Variants in PDE4A observed in about 807,000 individuals in gnomAD.
PDE4A encodes the protein 3',5'-cyclic-AMP phosphodiesterase 4A.
Under a neutral mutation model 73.9 loss-of-function variants are expected in PDE4A, and 21 were observed. The observed-to-expected ratio is 0.28, with a 90% CI of 0.20 to 0.41. PDE4A has a LOEUF of 0.41. Ranked by LOEUF, PDE4A falls within the 10% of genes least tolerant of loss-of-function variation. PDE4A has a pLI of 1.00. For missense variants in PDE4A, 958 were observed against 1,211.4 expected (o/e 0.79, Z 3.10); for synonymous variants, 463 against 505.4 (o/e 0.92, Z 1.13).
rs2042638670 is a variant in PDE4A at position 10,420,741 on chromosome 19, G to A, written c.-24G>A. 6.5e-7 allele frequency: 1 copy of A among 1,527,898 alleles called. No homozygotes were observed. The highest frequency in any genetic ancestry group is 1.4e-5 in the African/African-American group (1 of 69,914). 94.6% of individuals were successfully genotyped at this position (1,527,898 alleles called of 1,614,324 possible). A position where few individuals can be genotyped will look rare whatever the true frequency, so the allele number is the denominator to read the frequency against. ...TAGGTTGGAAGGGCCAGGGCCCCCT[G>A]GGGCGCAAGTGGGGGCCGGCGCCAT... On this transcript the variant is annotated 5_prime_UTR_variant, in exon 1 of 15. Coordinates refer to ENST00000380702, the MANE Select transcript of PDE4A (RefSeq NM_001111307.2). This position sits in a 1 kb window ranked among gnomAD's most constrained non-coding sequence, Gnocchi z 6.0.
intron 4 of PDE4A, among the ~76,000 whole-genome samples, chr19:10,449,485 G>C (rs553136033): frequency 6.6e-6 from 1 of 151,468 alleles, no homozygotes; most frequent in Non-Finnish European, 1.5e-5. Context: ...TCAGCCTCCC[G>C]GGTAGCTGGG....
At chr19:10,437,850 G>C (rs1251451051) in intron 1 of PDE4A, among the ~76,000 whole-genome samples, 2 of 141,032 alleles carry the variant, frequency 1.4e-5, no homozygotes, top group South Asian at 4.6e-4. Flanking sequence ...TATCACCCAG[G>C]CTGGAGTGCA....
At chr19:10,423,521 A>G (rs2042677590) in intron 1 of PDE4A, among the ~76,000 whole-genome samples, 1 of 152,162 alleles carries the variant, frequency 6.6e-6, no homozygotes, top group African/African-American at 2.4e-5. Flanking sequence ...CTGGAATTGC[A>G]ACGCAGGTCC....
chr19:10,434,856 G>T (rs1189611637), intron 1 of PDE4A, among the ~76,000 whole-genome samples: 4 of 149,520 alleles, frequency 2.7e-5, no homozygotes, highest in Admixed American at 1.3e-4. Flanking sequence ...CTCCCAAAGT[G>T]CTGGGATTAC....
At chr19:10,461,729 G>T in intron 12 of PDE4A, 49 bp downstream of exon 12, 1 of 1,605,106 alleles carries the variant, frequency 6.2e-7, no homozygotes, top group Non-Finnish European at 8.5e-7. Flanking sequence ...CCTAGGAGTC[G>T]AGGGCTTTGG....
chr19:10,451,069 G>C (rs924994417), intron 6 of PDE4A, 128 bp downstream of exon 6: 9 of 918,660 alleles, frequency 9.8e-6, no homozygotes, highest in Non-Finnish European at 1.3e-5. Flanking sequence ...TTGTTCCTGT[G>C]GGCGGAGATA....
upstream of PDE4A, chr19:10,420,398 GC>G: frequency 5.1e-6 from 5 of 971,094 alleles, no homozygotes; most frequent in African/African-American, 1.8e-5. This position sits in a 1 kb window ranked among gnomAD's most constrained non-coding sequence, Gnocchi z 6.0. Context: ...TTAGGTAGCT[GC>G]CCCCCGCTGG....
rs1055581987 is a variant in PDE4A at position 10,461,737 on chromosome 19, T to G, written c.1620+57T>G. ...AAGGAAGCCTAGGAGTCGAGGGCTT[T>G]GGGGAGGAGTGGGTCTGAGTCCCAG... On this transcript the variant is annotated intron_variant, in intron 12 of 14. Coordinates refer to ENST00000380702, the MANE Select transcript of PDE4A (RefSeq NM_001111307.2). 4.4e-6 allele frequency: 7 copies of G among 1,599,686 alleles called. No individual in the cohort carries two copies. In the African/African-American group the frequency reaches 9.4e-5, roughly 21 times the overall value.
At chr19:10,422,245 T>C (rs1027324724) in intron 1 of PDE4A, among the ~76,000 whole-genome samples, 3 of 152,156 alleles carry the variant, frequency 2.0e-5, no homozygotes, top group African/African-American at 7.2e-5. Context: ...TGGGGAACAA[T>C]GTGATTGAGT....
chr19:10,436,123 C>T lies in PDE4A; in HGVS notation c.321-10095C>T, dbSNP rs144027024. ...CTAAACTGCAGCTTAAATCCTAGGC[C>T]GGGGAGTTGGAGGTGTGTAGCTATG... On this transcript the variant is annotated intron_variant, in intron 1 of 14. Transcript: ENST00000380702. 2.6e-3 allele frequency among the ~76,000 whole-genome samples: 397 copies of T among 152,140 alleles called. 1 individual carries two copies. The highest frequency in any genetic ancestry group is 0.014 in the Middle Eastern group (4 of 294).
rs562901670 is a variant in PDE4A at position 10,463,217 on chromosome 19, G to A, written c.1744-576G>A. ...CAATTCTCCTGCCTCAGCCTCTAGC[G>A]TAGCTGGGATTACAGGTGCCTACCA... On this transcript the variant is annotated intron_variant, in intron 13 of 14. Transcript: ENST00000380702. Among the ~76,000 whole-genome samples, 6 of 146,356 alleles carry A rather than the reference G, an allele frequency of 4.1e-5. 1 individual carries two copies. The highest frequency in any genetic ancestry group is 2.2e-4 in the South Asian group (1 of 4,570).
At chr19:10,463,660 C>A in intron 13 of PDE4A, 133 bp from the exon 14 acceptor site, 1 of 1,480,690 alleles carries the variant, frequency 6.8e-7, no homozygotes, top group South Asian at 1.3e-5. Flanking sequence ...CTCAGCATCC[C>A]AAAGTACTGG....
chr19:10,459,240 C>A, intron 8 of PDE4A, 160 bp from the exon 9 acceptor site: 1 of 1,296,152 alleles, frequency 7.7e-7, no homozygotes, highest in Non-Finnish European at 1.0e-6. Context: ...TTTTGCAGCC[C>A]AGTAGGACGA....
At chr19:10,437,877 T>C (rs1228558998) in intron 1 of PDE4A, among the ~76,000 whole-genome samples, 1 of 148,872 alleles carries the variant, frequency 6.7e-6, no homozygotes, top group Non-Finnish European at 1.5e-5. Context: ...TCATCACTGC[T>C]CACTGCAGTC....
intron 2 of PDE4A, among the ~76,000 whole-genome samples, chr19:10,448,627 C>T (rs1031197072): frequency 7.3e-5 from 11 of 150,588 alleles, no homozygotes; most frequent in African/African-American, 2.4e-4. Flanking sequence ...CAGAGTGAGA[C>T]TCTGTCTAAA....
intron 10 of PDE4A, among the ~76,000 whole-genome samples, chr19:10,460,201 A>C (rs1346762328): frequency 6.6e-6 from 1 of 151,950 alleles, no homozygotes; most frequent in East Asian, 1.9e-4. Flanking sequence ...TATTTCTTAA[A>C]AAAAAAAAAG....
intron 1 of PDE4A, among the ~76,000 whole-genome samples, chr19:10,441,063 C>G (rs2042931529): frequency 6.6e-6 from 1 of 151,926 alleles, no homozygotes; most frequent in Admixed American, 6.6e-5. Context: ...CAAAGTCTCC[C>G]TCTGTCGTCC....
chr19:10,462,051 CT>C, intron 13 of PDE4A, 52 bp downstream of exon 13: 1 of 1,509,226 alleles, frequency 6.6e-7, no homozygotes. Flanking sequence ...CCAGCCACAC[CT>C]TTAGGTCTGG....
chr19:10,431,013 C>A, intron 1 of PDE4A: 1 of 1,579,734 alleles, frequency 6.3e-7, no homozygotes, highest in East Asian at 2.4e-5. Context: ...CAGCCCGTCC[C>A]CAACTTTCCG....
Sources: gnomAD v4.1 joint callset for allele counts (sites outside exome capture counted in the v4.1 genomes callset) on GRCh38, gnomAD v4.1.1 for gene constraint, Gnocchi (gnomAD v3.1) non-coding constraint, MANE v1.5 for transcripts, NCBI Gene and HGNC (gene_info 2026-07-23, HGNC 2026-07-21) for gene names.